Variants in DACH2 observed in about 807,000 individuals in gnomAD.
DACH2 encodes the protein dachshund homolog 2.
A neutral mutation model predicts 35.8 loss-of-function variants in DACH2; 17 were observed. The ratio of observed to expected loss-of-function variants is 0.48; its 90% confidence interval spans 0.33 to 0.71. The LOEUF (loss-of-function observed/expected upper bound fraction) is 0.71, where lower values mean the gene tolerates loss of function less well. DACH2 is among the 30% of genes least tolerant of loss of function. DACH2 has a pLI of 0.02. For missense variants in DACH2, 469 were observed against 472.7 expected, an observed-to-expected ratio of 0.99 and a Z score of 0.07; for synonymous variants, 195 against 177.3, an observed-to-expected ratio of 1.10 and a Z score of -0.79.
chrX:86,169,114 TTGTC>T (rs1455416061), intron 1 of DACH2, among the ~76,000 whole-genome samples: 1 of 111,829 alleles, frequency 8.9e-6, no homozygotes, highest in Non-Finnish European at 1.9e-5. Flanking sequence ...CAGCTTTTGT[TTGTC>T]TGGGAAAGTC....
rs1380613474 is a variant in DACH2, at chrX:86,254,807, T to TATATAGAGAGAG, written c.488+105700_488+105701insTATAGAGAGAGA. 1.6e-3 allele frequency among the ~76,000 whole-genome samples: 79 copies of TATATAGAGAGAG among 49,630 alleles called. 1 individual carries two copies. Among genetic ancestry groups the TATATAGAGAGAG allele is most frequent in the African/African-American group, 8.1e-3 (69 of 8,527 alleles). 43.1% of individuals were successfully genotyped at this position (49,630 alleles called of 115,157 possible). A position where few individuals can be genotyped will look rare whatever the true frequency, so the allele number is the denominator to read the frequency against. On this transcript the variant is annotated intron_variant, in intron 1 of 11. Coordinates refer to ENST00000373125, the MANE Select transcript of DACH2 (RefSeq NM_053281.3). ...ATATATATATATATATATATATATA[T>TATATAGAGAGAG]AGAGAGAGAGAGAGAGAGAGAGAGA...
At chrX:86,244,011 T>C (rs2033225716) in intron 1 of DACH2, among the ~76,000 whole-genome samples, 1 of 112,166 alleles carries the variant, frequency 8.9e-6, no homozygotes, top group African/African-American at 3.2e-5. Context: ...TATATATCAA[T>C]ATCTGATTAT....
chrX:86,645,388 G>GA (rs991578299), intron 3 of DACH2, among the ~76,000 whole-genome samples: 60 of 110,049 alleles, frequency 5.5e-4, no homozygotes, highest in African/African-American at 3.3e-5. Flanking sequence ...TCATGAAAAA[G>GA]AAAAAAAATT....
chrX:86,464,416 G>A (rs951697251), intron 2 of DACH2, among the ~76,000 whole-genome samples: 1 of 111,090 alleles, frequency 9.0e-6, no homozygotes, highest in Admixed American at 9.6e-5. Flanking sequence ...AACTAACACA[G>A]GAACAGAAAA....
In DACH2 at chrX:86,783,899, TAGAA is replaced by T. The variant is rs1377878256; in HGVS notation, c.1241-28952_1241-28949del. 3.6e-5 allele frequency among the ~76,000 whole-genome samples: 4 copies of T among 110,536 alleles called. No individual in the cohort carries two copies. The Admixed American group carries it at 3.9e-4, about 11-fold the overall frequency. ...ATGGTTAGTGGGTACAAAGTATAGATAGAAAGAATGAATAAGACCTACTATTTGA... is the reference window on the plus strand; with the variant it reads ...ATGGTTAGTGGGTACAAAGTATAGATAGAATGAATAAGACCTACTATTTGA... On this transcript the variant is annotated intron_variant, in intron 7 of 11. Transcript: ENST00000373125.
intron 3 of DACH2, among the ~76,000 whole-genome samples, chrX:86,605,827 T>G (rs1206288348): frequency 1.8e-5 from 2 of 110,979 alleles, no homozygotes; most frequent in Admixed American, 9.6e-5. Flanking sequence ...GTTCACTGTT[T>G]CTTGTTTGTA....
intron 1 of DACH2, among the ~76,000 whole-genome samples, chrX:86,367,137 T>C (rs2148089539): frequency 9.0e-6 from 1 of 111,257 alleles, no homozygotes; most frequent in Non-Finnish European, 1.9e-5. Flanking sequence ...TAATTGAAAA[T>C]AATATAAACA....
intron 3 of DACH2, among the ~76,000 whole-genome samples, chrX:86,531,968 G>A (rs1386251015): frequency 8.8e-6 from 1 of 113,071 alleles, no homozygotes; most frequent in Non-Finnish European, 1.9e-5. Flanking sequence ...GTGAGACATG[G>A]AGTCAAAGGA....
intron 4 of DACH2, among the ~76,000 whole-genome samples, chrX:86,661,716 G>A (rs1048235642): frequency 3.6e-5 from 4 of 112,054 alleles, no homozygotes; most frequent in Non-Finnish European, 7.5e-5. Context: ...TAGAATTGCT[G>A]GGTAAAATGA....
chrX:86,562,100 T>A (rs2039229115), intron 3 of DACH2, among the ~76,000 whole-genome samples: 1 of 110,140 alleles, frequency 9.1e-6, no homozygotes. Context: ...CTTTTTTTAT[T>A]CATTTTTTGA....
At chrX:86,173,448 C>G (rs2031192685) in intron 1 of DACH2, among the ~76,000 whole-genome samples, 1 of 111,467 alleles carries the variant, frequency 9.0e-6, no homozygotes, top group Admixed American at 9.5e-5. Context: ...ATAGGATGGG[C>G]ATTGTAGGCT....
chrX:86,761,936 C>A (rs1217214359), intron 7 of DACH2, among the ~76,000 whole-genome samples: 2 of 29,030 alleles, frequency 6.9e-5, no homozygotes, highest in Admixed American at 1.3e-3. Context: ...AATCAGTGGG[C>A]TGGGTGGGTG....
At chrX:86,535,077 G>C (rs1030753688) in intron 3 of DACH2, among the ~76,000 whole-genome samples, 1 of 111,548 alleles carries the variant, frequency 9.0e-6, no homozygotes, top group Non-Finnish European at 1.9e-5. Flanking sequence ...GATGTTTCTT[G>C]ATTAAAAGTT....
At chrX:86,762,976 T>C (rs759189409) in intron 7 of DACH2, among the ~76,000 whole-genome samples, 1 of 111,438 alleles carries the variant, frequency 9.0e-6, no homozygotes, top group South Asian at 3.8e-4. Flanking sequence ...TCCCAGCTTC[T>C]GGTAACCATT....
At chrX:86,151,277 A>C (rs758025356) in intron 1 of DACH2, among the ~76,000 whole-genome samples, 240 of 111,346 alleles carry the variant, frequency 2.2e-3, no homozygotes, top group African/African-American at 7.6e-3. Flanking sequence ...ATGTGTGTGA[A>C]TTGCTTTTGT....
At chrX:86,792,170 G>A (rs1048661087) in intron 7 of DACH2, among the ~76,000 whole-genome samples, 6 of 111,638 alleles carry the variant, frequency 5.4e-5, no homozygotes, top group Non-Finnish European at 7.5e-5. Context: ...TAGATAACAG[G>A]TGGAGGTTTT....
At chrX:86,356,052 A>C (rs1315974967) in intron 1 of DACH2, among the ~76,000 whole-genome samples, 1 of 111,232 alleles carries the variant, frequency 9.0e-6, no homozygotes, top group Non-Finnish European at 1.9e-5. Flanking sequence ...CCAACTTGTC[A>C]ATATTTCCTT....
At chrX:86,651,555 C>A (rs1212794348) in intron 4 of DACH2, among the ~76,000 whole-genome samples, 2 of 111,601 alleles carry the variant, frequency 1.8e-5, no homozygotes, top group Non-Finnish European at 3.8e-5. Flanking sequence ...GGGCTGAAGT[C>A]TTTTCAGCTG....
chrX:86,577,737 G>T (rs1235624040), intron 3 of DACH2, among the ~76,000 whole-genome samples: 1 of 111,047 alleles, frequency 9.0e-6, no homozygotes, highest in Non-Finnish European at 1.9e-5. Flanking sequence ...AGTGTACAAA[G>T]GCTGAAGATT....
Sources: allele counts gnomAD v4.1 joint callset (sites outside exome capture counted in the v4.1 genomes callset), GRCh38; gene constraint gnomAD v4.1.1; transcripts MANE v1.5; gene names NCBI Gene and HGNC (gene_info 2026-07-23, HGNC 2026-07-21).